KCNMA1: variants seen among roughly 807,000 people sequenced by gnomAD.
The protein encoded by KCNMA1 is Calcium-activated potassium channel subunit alpha-1.
Under a neutral mutation model 140.0 loss-of-function variants are expected in KCNMA1, and 29 were observed. That is an observed-to-expected ratio of 0.21 (90% CI 0.15 to 0.28). The LOEUF (loss-of-function observed/expected upper bound fraction) is 0.28. KCNMA1 is among the 10% of genes least tolerant of loss of function. KCNMA1 has a pLI of 1.00. For missense variants in KCNMA1, 880 were observed against 1,602.2 expected (o/e 0.55, Z 7.70); for synonymous variants, 612 against 611.9 (o/e 1.00, Z 0.00).
intron 1 of KCNMA1, among the ~76,000 whole-genome samples, chr10:77,545,209 C>G (rs764866223): frequency 2.0e-5 from 3 of 152,166 alleles, no homozygotes; most frequent in Non-Finnish European, 4.4e-5. Context: ...CTCCCAACTC[C>G]CTGGGTTAAC....
At chr10:77,028,635 C>A (rs972272988) in intron 15 of KCNMA1, among the ~76,000 whole-genome samples, 1 of 152,142 alleles carries the variant, frequency 6.6e-6, no homozygotes, top group African/African-American at 2.4e-5. Context: ...AAAACTCTCC[C>A]AGCACCTTGT....
At chr10:77,516,888 C>A (rs1218931760) in intron 1 of KCNMA1, among the ~76,000 whole-genome samples, 4 of 151,606 alleles carry the variant, frequency 2.6e-5, no homozygotes, top group Non-Finnish European at 5.9e-5. Flanking sequence ...CATGTGTGAG[C>A]AGCTGCAGGT....
intron 5 of KCNMA1, among the ~76,000 whole-genome samples, chr10:77,175,413 C>A (rs11002065): frequency 0.35 from 53,497 of 152,000 alleles, 9,782 homozygotes; most frequent in African/African-American, 0.41. Flanking sequence ...ATAACTGTTC[C>A]TTACTATCAT....
At chr10:77,217,823 G>C (rs1381973310) in intron 3 of KCNMA1, among the ~76,000 whole-genome samples, 1 of 152,066 alleles carries the variant, frequency 6.6e-6, no homozygotes, top group African/African-American at 2.4e-5. Flanking sequence ...CCTCTCTTTT[G>C]AATTTACTTG....
intron 3 of KCNMA1, among the ~76,000 whole-genome samples, chr10:77,204,243 G>T (rs2043356876): frequency 6.6e-6 from 1 of 152,204 alleles, no homozygotes; most frequent in East Asian, 1.9e-4. Context: ...GGAGTTTCAG[G>T]TTATCTCACC....
chr10:77,333,856 C>T (rs1326508095), intron 2 of KCNMA1, among the ~76,000 whole-genome samples: 1 of 152,198 alleles, frequency 6.6e-6, no homozygotes, highest in East Asian at 1.9e-4. Flanking sequence ...TTTCCTGCTT[C>T]TGAGAGTAAG....
Position 77,369,759 on chromosome 10 carries a change from G to A in KCNMA1, c.540+34103C>T, listed in dbSNP as rs574651043. On this transcript the variant is annotated intron_variant, in intron 2 of 27. Transcript: ENST00000286628. ...CTCTCTACAAGTTACTGAGGCAGGA[G>A]GAGACAGAGGAGAGAGGGAACATGT... Among the ~76,000 whole-genome samples the A allele has an allele frequency of 2.6e-5, 4 of 152,292 alleles. No homozygotes were observed. In the Middle Eastern group the frequency reaches 0.01, roughly 389 times the overall value.
chr10:76,887,701 C>T (rs963282106), intron 27 of KCNMA1, 186 bp from the exon 28 acceptor site: 5 of 675,864 alleles, frequency 7.4e-6, no homozygotes, highest in South Asian at 5.6e-5. Context: ...CTGTTTAACT[C>T]AATAAAGGAG....
At chr10:76,901,473 G>T (rs974999511) in intron 25 of KCNMA1, 3 of 152,116 alleles carry the variant, frequency 2.0e-5, no homozygotes, top group Admixed American at 2.0e-4. Context: ...AGGCTGGGAG[G>T]TTATTGTTTT....
intron 1 of KCNMA1, among the ~76,000 whole-genome samples, chr10:77,574,804 T>A (rs2073406548): frequency 6.6e-6 from 1 of 152,250 alleles, no homozygotes; most frequent in African/African-American, 2.4e-5. Context: ...ACACTGTAAG[T>A]GCCATATAAT....
chr10:77,496,888 G>A (rs1452831505), intron 1 of KCNMA1, among the ~76,000 whole-genome samples: 1 of 152,118 alleles, frequency 6.6e-6, no homozygotes, highest in Non-Finnish European at 1.5e-5. Context: ...GCTCTCCAAA[G>A]CTCTGCTCAT....
downstream of KCNMA1, among the ~76,000 whole-genome samples, chr10:76,883,762 A>G (rs1289352996): frequency 6.9e-6 from 1 of 145,930 alleles, no homozygotes; most frequent in Non-Finnish European, 1.5e-5. Flanking sequence ...GTGAACAGGA[A>G]GAGATATAAT....
intron 25 of KCNMA1, among the ~76,000 whole-genome samples, chr10:76,895,928 G>T (rs766444424): frequency 6.6e-6 from 1 of 152,232 alleles, no homozygotes; most frequent in East Asian, 1.9e-4. Flanking sequence ...TGCTTCAAGG[G>T]CAACAAAAGG....
intron 2 of KCNMA1, among the ~76,000 whole-genome samples, chr10:77,382,657 G>A (rs1054608105): frequency 6.6e-6 from 1 of 151,854 alleles, no homozygotes; most frequent in African/African-American, 2.4e-5. Context: ...CTGAGGTCAG[G>A]AGTTTGAGAA....
At chr10:77,590,271 C>G (rs888146383) in intron 1 of KCNMA1, among the ~76,000 whole-genome samples, 13 of 152,262 alleles carry the variant, frequency 8.5e-5, no homozygotes, top group Admixed American at 6.5e-4. Flanking sequence ...CAGTCCCGCG[C>G]CGTGCGCCCG....
chr10:77,235,400 C>T (rs778373805), intron 3 of KCNMA1, among the ~76,000 whole-genome samples: 3 of 152,130 alleles, frequency 2.0e-5, no homozygotes, highest in Non-Finnish European at 2.9e-5. Flanking sequence ...ATTCTCCTTA[C>T]TAAAGTTGTC....
At chr10:77,123,658 G>T (rs1226830813) in intron 5 of KCNMA1, among the ~76,000 whole-genome samples, 1 of 152,172 alleles carries the variant, frequency 6.6e-6, no homozygotes, top group Non-Finnish European at 1.5e-5. Flanking sequence ...GTGGATGCCT[G>T]AAACCTCAGA....
intron 14 of KCNMA1, among the ~76,000 whole-genome samples, chr10:77,065,160 T>C (rs1385616376): frequency 6.6e-6 from 1 of 152,156 alleles, no homozygotes; most frequent in Non-Finnish European, 1.5e-5. Flanking sequence ...AGTCAGGCGC[T>C]GTTCTAGGCA....
At chr10:77,065,463 T>G (rs910265046) in intron 14 of KCNMA1, among the ~76,000 whole-genome samples, 3 of 152,170 alleles carry the variant, frequency 2.0e-5, no homozygotes, top group African/African-American at 7.2e-5. Flanking sequence ...CCCAGAGAAC[T>G]TGTATGAGCT....
Sources: gnomAD v4.1 joint callset for allele counts (sites outside exome capture counted in the v4.1 genomes callset) on GRCh38, gnomAD v4.1.1 for gene constraint, MANE v1.5 for transcripts, NCBI Gene and HGNC (gene_info 2026-07-23, HGNC 2026-07-21) for gene names.